AQP1: variants seen among roughly 807,000 people sequenced by gnomAD.
AQP1 encodes aquaporin 1 (Colton blood group).
In AQP1, 11 loss-of-function variants were observed where a neutral mutation model predicts 19.7. The ratio of observed to expected loss-of-function variants is 0.56; its 90% CI spans 0.35 to 0.92. The LOEUF (loss-of-function observed/expected upper bound fraction) is 0.92, where lower values mean the gene tolerates loss of function less well. Ranked by LOEUF, AQP1 falls within the 40% of genes least tolerant of loss-of-function variation. The pLI, the probability that AQP1 is intolerant of heterozygous loss-of-function variation, is 0.01. For synonymous variants in AQP1, 159 were observed against 166.7 expected, an observed-to-expected ratio of 0.95 and a Z score of 0.36; for missense variants, 320 against 369.7, an observed-to-expected ratio of 0.87 and a Z score of 1.10.
chr7:30,923,765 G>A lies in AQP1; in HGVS notation c.*136G>A. The A allele has an allele frequency of 6.6e-7, 1 of 1,506,262 alleles. No homozygotes were observed. Among genetic ancestry groups the A allele is most frequent in the Admixed American group, 2.1e-5 (1 of 47,944 alleles). 93.3% of individuals were successfully genotyped at this position (1,506,262 alleles called of 1,614,324 possible). On this transcript the variant is annotated 3_prime_UTR_variant, in exon 4 of 4. Transcript: ENST00000311813. This position sits in a 1 kb window ranked among gnomAD's most constrained non-coding sequence, Gnocchi z 4.8. ...TCCCCAAGATCTGCCAGACCTGCAT[G>A]GTCAAGCCTCTTATGGGGGTGTTTC...
rs1205738413 is a variant in AQP1 at position 30,923,369 on chromosome 7, G to A, written c.631-81G>A. The A allele has an allele frequency of 1.9e-6, 3 of 1,604,310 alleles. No homozygotes were observed. Among genetic ancestry groups the A allele is most frequent in the Non-Finnish European group, 2.6e-6 (3 of 1,175,526 alleles). ...GTGGGAAAAACCTGTCCAACGGGGT[G>A]GTGGGCTGTGGGGTAACCTAGGGAA... is the stretch of plus-strand genomic sequence containing the variant. On this transcript the variant is annotated intron_variant, in intron 3 of 3. Coordinates refer to ENST00000311813, the MANE Select transcript of AQP1 (RefSeq NM_198098.4). The surrounding 1 kb of genome is among the most constrained non-coding windows in gnomAD (Gnocchi z 4.8).
At chr7:30,917,996 T>C (rs904049207) in intron 1 of AQP1, among the ~76,000 whole-genome samples, 1 of 147,872 alleles carries the variant, frequency 6.8e-6, no homozygotes, top group African/African-American at 2.6e-5. Flanking sequence ...CCTTTATAGA[T>C]TTTTATTTTT....
chr7:30,913,056 G>A (rs1207603640), intron 1 of AQP1, among the ~76,000 whole-genome samples: 1 of 152,090 alleles, frequency 6.6e-6, no homozygotes. Context: ...CTGTGCTTGT[G>A]TCAACTGTGT....
intron 1 of AQP1, among the ~76,000 whole-genome samples, chr7:30,914,528 C>T (rs551127479): frequency 6.3e-4 from 96 of 152,316 alleles, no homozygotes; most frequent in Admixed American, 1.1e-3. Flanking sequence ...GGGTGGGGTT[C>T]AGGACCTCAA....
chr7:30,923,395 C>A lies in AQP1; in HGVS notation c.631-55C>A, dbSNP rs969702447. ...GTGGGCTGTGGGGTAACCTAGGGAA[C>A]GCTTCCCAGGGGCTTTTGAGTGGAG... On this transcript the variant is annotated intron_variant, in intron 3 of 3. Transcript: ENST00000311813. This position sits in a 1 kb window ranked among gnomAD's most constrained non-coding sequence, Gnocchi z 4.8. 6.2e-7 allele frequency: 1 copy of A among 1,611,806 alleles called. No homozygotes were observed. Among genetic ancestry groups the A allele is most frequent in the Non-Finnish European group, 8.5e-7 (1 of 1,179,230 alleles).
chr7:30,912,674 C>G lies in AQP1; in HGVS notation c.384+381C>G, dbSNP rs77596247. Among the ~76,000 whole-genome samples the G allele has an allele frequency of 6.6e-6, 1 of 152,206 alleles. No individual in the cohort carries two copies. Among genetic ancestry groups the G allele is most frequent in the African/African-American group, 2.4e-5 (1 of 41,440 alleles). On this transcript the variant is annotated intron_variant, in intron 1 of 3. Coordinates refer to ENST00000311813, the MANE Select transcript of AQP1 (RefSeq NM_198098.4). The surrounding 1 kb of genome is among the most constrained non-coding windows in gnomAD (Gnocchi z 4.3). ...CCTGCAGCCCTGCACCCTGGGGAAA[C>G]TTTGCCCGCTGTCCCCAGCCACCCT... is the stretch of plus-strand genomic sequence containing the variant.
intron 3 of AQP1, 82 bp downstream of exon 3, chr7:30,922,726 G>A: frequency 1.5e-6 from 2 of 1,371,794 alleles, no homozygotes; most frequent in Admixed American, 1.7e-5. Context: ...GTCCCTTCCT[G>A]TTCTGGAGGC....
rs1377246190 is a variant in AQP1 at position 30,912,392 on chromosome 7, C to A, written c.384+99C>A. 2 of 1,519,892 alleles carry A rather than the reference C, an allele frequency of 1.3e-6. No individual in the cohort carries two copies. Among genetic ancestry groups the A allele is most frequent in the African/African-American group, 2.7e-5 (2 of 73,318 alleles). 94.2% of individuals were successfully genotyped at this position (1,519,892 alleles called of 1,614,324 possible). On this transcript the variant is annotated intron_variant, in intron 1 of 3. Transcript: ENST00000311813. The surrounding 1 kb of genome is among the most constrained non-coding windows in gnomAD (Gnocchi z 4.3). ...TTGTGCAGATGGGGACACTGAGGAA[C>A]GGAGAGGACAAGAGGTTGCTGGAGG...
At chr7:30,917,318 G>T (rs1235751566) in intron 1 of AQP1, among the ~76,000 whole-genome samples, 1 of 152,232 alleles carries the variant, frequency 6.6e-6, no homozygotes, top group African/African-American at 2.4e-5. Flanking sequence ...ACCCAAGGAG[G>T]GTTGGGCGGG....
intron 1 of AQP1, chr7:30,913,342 TGA>T (rs1236083661): frequency 6.6e-6 from 1 of 152,492 alleles, no homozygotes; most frequent in African/African-American, 2.4e-5. Context: ...GGATTTGGCC[TGA>T]GAGACTGGGG....
At position 30,918,271 on chromosome 7, in the gene AQP1, C is replaced by T. The variant is rs552949787; in HGVS notation, c.385-3795C>T. Reference sequence around the variant, plus strand: ...CTTCTCAGAGTGCTGGGATTACAGGCGTGAGCCACCGCGCCTGGCCAGTTC... The same window carrying T: ...CTTCTCAGAGTGCTGGGATTACAGGTGTGAGCCACCGCGCCTGGCCAGTTC... On this transcript the variant is annotated intron_variant, in intron 1 of 3. Transcript: ENST00000311813. Among the ~76,000 whole-genome samples, 312 of 152,312 alleles carry T rather than the reference C, an allele frequency of 2.0e-3. 1 individual carries two copies. Among genetic ancestry groups the T allele is most frequent in the Non-Finnish European group, 3.9e-3 (262 of 68,022 alleles).
chr7:30,920,142 G>T (rs180759050), intron 1 of AQP1, among the ~76,000 whole-genome samples: 1 of 152,182 alleles, frequency 6.6e-6, no homozygotes, highest in Non-Finnish European at 1.5e-5. Flanking sequence ...GGTCACATCT[G>T]TGAGGGATGG....
rs1729042393 is a variant in AQP1 at position 30,923,312 on chromosome 7, G to A, written c.631-138G>A. 1.6e-5 allele frequency: 24 copies of A among 1,501,896 alleles called. No individual in the cohort carries two copies. Among genetic ancestry groups the A allele is most frequent in the South Asian group, 2.5e-5 (2 of 78,886 alleles). The allele number at this position is 1,501,896 out of a possible 1,614,324, so 93.0% of individuals were successfully genotyped here. Reference sequence around the variant, plus strand: ...GAGGGGCACCGGAATCATGATGTTAGGATTTGGCTCTCCTACCTGCCTCCA... The same window carrying A: ...GAGGGGCACCGGAATCATGATGTTAAGATTTGGCTCTCCTACCTGCCTCCA... On this transcript the variant is annotated intron_variant, in intron 3 of 3. Transcript: ENST00000311813. The surrounding 1 kb of genome is among the most constrained non-coding windows in gnomAD (Gnocchi z 4.8).
intron 1 of AQP1, among the ~76,000 whole-genome samples, chr7:30,920,909 G>T (rs2128590343): frequency 6.6e-6 from 1 of 152,336 alleles, no homozygotes; most frequent in African/African-American, 2.4e-5. Context: ...TGTTCTTGTA[G>T]GATGGCCTCA....
At chr7:30,921,562 G>C in intron 1 of AQP1, 1 of 1,543,842 alleles carries the variant, frequency 6.5e-7, no homozygotes, top group Non-Finnish European at 8.8e-7. Context: ...CCTCACCGAA[G>C]GCCTCCTCAG....
At chr7:30,915,892 G>A (rs1443855933) in intron 1 of AQP1, among the ~76,000 whole-genome samples, 2 of 152,188 alleles carry the variant, frequency 1.3e-5, no homozygotes, top group Non-Finnish European at 2.9e-5. Flanking sequence ...ATGGGGAAAG[G>A]AAGGCAGAGT....
chr7:30,923,395 C>G lies in AQP1; in HGVS notation c.631-55C>G. 6.2e-7 allele frequency: 1 copy of G among 1,611,806 alleles called. No homozygotes were observed. Among genetic ancestry groups the G allele is most frequent in the Non-Finnish European group, 8.5e-7 (1 of 1,179,230 alleles). ...GTGGGCTGTGGGGTAACCTAGGGAACGCTTCCCAGGGGCTTTTGAGTGGAG... is the reference window on the plus strand; with the variant it reads ...GTGGGCTGTGGGGTAACCTAGGGAAGGCTTCCCAGGGGCTTTTGAGTGGAG... On this transcript the variant is annotated intron_variant, in intron 3 of 3. Coordinates refer to ENST00000311813, the MANE Select transcript of AQP1 (RefSeq NM_198098.4). The surrounding 1 kb of genome is among the most constrained non-coding windows in gnomAD (Gnocchi z 4.8).
chr7:30,912,347 C>G lies in AQP1; in HGVS notation c.384+54C>G. 6.3e-7 allele frequency: 1 copy of G among 1,580,406 alleles called. No individual in the cohort carries two copies. The highest frequency in any genetic ancestry group is 8.6e-7 in the Non-Finnish European group (1 of 1,168,234). ...GGTTCTAGAATGATGCTGAAAGGCA[C>G]TGGTTCCATCCTCTGCCCATTGTGC... On this transcript the variant is annotated intron_variant, in intron 1 of 3. Transcript: ENST00000311813. This position sits in a 1 kb window ranked among gnomAD's most constrained non-coding sequence, Gnocchi z 4.3.
At chr7:30,914,487 G>C (rs544153545) in intron 1 of AQP1, among the ~76,000 whole-genome samples, 51 of 152,330 alleles carry the variant, frequency 3.3e-4, no homozygotes, top group Non-Finnish European at 6.5e-4. Context: ...GATGGTGGGG[G>C]CTCAGGCGCT....
Sources: allele counts gnomAD v4.1 joint callset (sites outside exome capture counted in the v4.1 genomes callset), GRCh38; gene constraint gnomAD v4.1.1; non-coding constraint Gnocchi (gnomAD v3.1); transcripts MANE v1.5; gene names NCBI Gene and HGNC (gene_info 2026-07-23, HGNC 2026-07-21).